Variants in PATL2 observed in about 807,000 individuals in gnomAD.
PATL2 encodes the protein protein PAT1 homolog 2.
In PATL2, 73 loss-of-function variants were observed where a neutral mutation model predicts 77.0. The ratio of observed to expected loss-of-function variants is 0.95; its 90% CI spans 0.78 to 1.15. PATL2 has a LOEUF of 1.15. PATL2 is among the 50% of genes most tolerant of loss of function. PATL2 has a pLI of 0.00. For missense variants in PATL2, 618 were observed against 655.4 expected (o/e 0.94, Z 0.62); for synonymous variants, 265 against 257.1 (o/e 1.03, Z -0.29).
intron 3 of PATL2, among the ~76,000 whole-genome samples, chr15:44,690,263 G>C (rs1236046041): frequency 6.6e-6 from 1 of 152,146 alleles, no homozygotes; most frequent in Non-Finnish European, 1.5e-5. Flanking sequence ...GGCTATGAAG[G>C]GTGGCTGACA....
At chr15:44,668,282 C>A in intron 15 of PATL2, 60 bp downstream of exon 15, 3 of 1,511,476 alleles carry the variant, frequency 2.0e-6, no homozygotes, top group Non-Finnish European at 2.7e-6. Flanking sequence ...CCAACTTACC[C>A]CTTATCAGTG....
intron 16 of PATL2, 74 bp from the exon 17 acceptor site, chr15:44,666,615 A>G: frequency 7.1e-7 from 1 of 1,401,362 alleles, no homozygotes; most frequent in South Asian, 1.5e-5. Context: ...GTTTCTTATT[A>G]TCTTTCCGTT....
intron 3 of PATL2, among the ~76,000 whole-genome samples, chr15:44,678,550 T>C (rs2086049925): frequency 6.6e-6 from 1 of 152,194 alleles, no homozygotes; most frequent in Non-Finnish European, 1.5e-5. Flanking sequence ...GCCAAGCCTA[T>C]GTTAGGCTTG....
intron 7 of PATL2, 54 bp downstream of exon 7, chr15:44,673,181 C>T: frequency 6.5e-7 from 1 of 1,540,920 alleles, no homozygotes; most frequent in Non-Finnish European, 8.8e-7. Flanking sequence ...ATGGTCCCCG[C>T]CCCTCCTCAG....
intron 15 of PATL2, 119 bp from the exon 16 acceptor site, chr15:44,667,322 A>G: frequency 1.4e-6 from 1 of 736,674 alleles, no homozygotes; most frequent in Non-Finnish European, 2.3e-6. Flanking sequence ...AGAGCTCAAA[A>G]TATCCACAAG....
intron 5 of PATL2, 93 bp from the exon 6 acceptor site, chr15:44,674,323 C>G: frequency 1.0e-6 from 1 of 971,562 alleles, no homozygotes; most frequent in Non-Finnish European, 1.5e-6. Context: ...GAGGAAGCAG[C>G]AAGACCAGGT....
intron 9 of PATL2, among the ~76,000 whole-genome samples, chr15:44,670,473 C>T (rs1595960609): frequency 6.6e-6 from 1 of 152,048 alleles, no homozygotes; most frequent in Non-Finnish European, 1.5e-5. Flanking sequence ...GGATTACAGG[C>T]GAGCCATTGT....
At position 44,667,207 on chromosome 15, in the gene PATL2, C is replaced by G; in HGVS notation, c.1366-4G>C. 1.3e-6 allele frequency: 2 copies of G among 1,548,956 alleles called. No individual in the cohort carries two copies. The highest frequency in any genetic ancestry group is 1.7e-6 in the Non-Finnish European group (2 of 1,144,688). Reference sequence around the variant, plus strand: ...CATAGAGCAAAGATATTCCAAACTGCAAGGGACATATATATATTCCAGAGC... The same window carrying G: ...CATAGAGCAAAGATATTCCAAACTGGAAGGGACATATATATATTCCAGAGC... On this transcript the variant is annotated splice_region_variant and splice_polypyrimidine_tract_variant and intron_variant, in intron 15 of 17. Coordinates refer to ENST00000682850, the MANE Select transcript of PATL2 (RefSeq NM_001387263.1).
At chr15:44,698,526 G>A (rs2086560245) in intron 3 of PATL2, among the ~76,000 whole-genome samples, 1 of 151,212 alleles carries the variant, frequency 6.6e-6, no homozygotes, top group African/African-American at 2.4e-5. Context: ...TTAACATAAT[G>A]ACCTCCAGTT....
At chr15:44,699,214 G>C (rs2086576771) in intron 3 of PATL2, among the ~76,000 whole-genome samples, 1 of 152,038 alleles carries the variant, frequency 6.6e-6, no homozygotes. Context: ...TCTCTTTGTT[G>C]ATTGTTTCTT....
chr15:44,704,579 A>C (rs2141270358), intron 3 of PATL2, among the ~76,000 whole-genome samples: 1 of 152,198 alleles, frequency 6.6e-6, no homozygotes, highest in Non-Finnish European at 1.5e-5. Context: ...AAAAGTTGTT[A>C]TAGTTATTAG....
At chr15:44,691,579 A>T (rs2086392768) in intron 3 of PATL2, among the ~76,000 whole-genome samples, 1 of 151,298 alleles carries the variant, frequency 6.6e-6, no homozygotes, top group Admixed American at 6.6e-5. Flanking sequence ...AATTGCTTGA[A>T]CTCAGGAGGT....
At chr15:44,682,383 T>C (rs577082508) in intron 3 of PATL2, among the ~76,000 whole-genome samples, 1 of 152,344 alleles carries the variant, frequency 6.6e-6, no homozygotes, top group African/African-American at 2.4e-5. Context: ...CCTACCACAC[T>C]GTGTCGTCAT....
intron 3 of PATL2, 158 bp from the exon 4 acceptor site, chr15:44,676,723 C>T: frequency 1.6e-6 from 2 of 1,220,140 alleles, no homozygotes; most frequent in East Asian, 3.0e-5. Context: ...CCATAAACAC[C>T]CACCCTCCCA....
intron 8 of PATL2, 82 bp downstream of exon 8, chr15:44,672,306 T>A: frequency 6.6e-6 from 10 of 1,523,092 alleles, no homozygotes; most frequent in Non-Finnish European, 8.9e-6. Flanking sequence ...ACATGGGAGA[T>A]TTGAGGGAGA....
In PATL2 at chr15:44,710,143, T is replaced by C. The variant is rs1423701965; in HGVS notation, c.-123A>G. Among the ~76,000 whole-genome samples, 1 of 152,242 alleles carries C rather than the reference T, an allele frequency of 6.6e-6. No individual in the cohort carries two copies. The highest frequency in any genetic ancestry group is 1.9e-4 in the East Asian group (1 of 5,208). The stretch of plus-strand genomic sequence containing the variant: ...GCTCTCTCTTGTGCATTATCTCATT[T>C]CATTAGGTCCATGGAGAGTATTGCA... On this transcript the variant is annotated 5_prime_UTR_variant, in exon 3 of 18. Coordinates refer to ENST00000682850, the MANE Select transcript of PATL2 (RefSeq NM_001387263.1).
intron 3 of PATL2, among the ~76,000 whole-genome samples, chr15:44,677,692 C>A (rs892647537): frequency 3.3e-5 from 5 of 152,118 alleles, no homozygotes; most frequent in East Asian, 1.9e-4. Flanking sequence ...TTCCCTACAT[C>A]AAAAATGAAA....
chr15:44,666,500 A>G lies in PATL2; in HGVS notation c.1505T>C (p.Met502Thr). ...VVLIAWEIAQ[M>T]PTASLAEPLA... is the part of the protein sequence containing the mutation. ...GGGTTCTGCCAGAGAGGCTGTAGGC[A>G]TTTGGGCTATCTCCCAGGCAATCAG... The change falls in exon 17 of 18, where the codon ATG (methionine) becomes ACG (threonine). Residue 502 changes from methionine to threonine, a missense_variant. Met to Thr is a moderately conservative substitution (Grantham distance 81). Coordinates refer to ENST00000682850, the MANE Select transcript of PATL2 (RefSeq NM_001387263.1). 2.6e-6 allele frequency: 4 copies of G among 1,551,534 alleles called. No individual in the cohort carries two copies. The highest frequency in any genetic ancestry group is 3.5e-6 in the Non-Finnish European group (4 of 1,146,920).
intron 5 of PATL2, chr15:44,674,860 CCCCTGG>C (rs1566855953): frequency 6.6e-6 from 1 of 152,078 alleles, no homozygotes; most frequent in East Asian, 1.9e-4. Context: ...TAAGCCACTG[CCCCTGG>C]CCAGTTTAAT....
Sources: allele counts gnomAD v4.1 joint callset (sites outside exome capture counted in the v4.1 genomes callset), GRCh38; gene constraint gnomAD v4.1.1; transcripts MANE v1.5; gene names NCBI Gene and HGNC (gene_info 2026-07-23, HGNC 2026-07-21).